ALK: variants seen among roughly 807,000 people sequenced by gnomAD.
ALK encodes ALK tyrosine kinase receptor.
In ALK, 74 loss-of-function variants were observed where a neutral mutation model predicts 163.1. The observed-to-expected ratio is 0.45, with a 90% CI of 0.38 to 0.55. The LOEUF is 0.55. Among genes scored for constraint, ALK ranks in the 20% least tolerant of loss-of-function variants. The probability of loss-of-function intolerance (pLI) is 0.00; values close to 1 mark genes in which losing one functional copy is unlikely to be tolerated. For missense variants in ALK, 2,063 were observed against 2,105.3 expected (o/e 0.98, Z 0.39); for synonymous variants, 960 against 843.2 (o/e 1.14, Z -2.40).
intron 3 of ALK, among the ~76,000 whole-genome samples, chr2:29,635,331 CA>C (rs1676489406): frequency 6.6e-6 from 1 of 152,124 alleles, no homozygotes; most frequent in Non-Finnish European, 1.5e-5. Context: ...AAGATCTTGA[CA>C]AGGGGGTATT....
chr2:29,537,562 G>A (rs1020798238), intron 3 of ALK, among the ~76,000 whole-genome samples: 19 of 152,218 alleles, frequency 1.2e-4, no homozygotes, highest in Non-Finnish European at 2.8e-4. Context: ...GCAGAGCCCT[G>A]GCAAAGAAAC....
intron 1 of ALK, among the ~76,000 whole-genome samples, chr2:29,863,178 G>C (rs1666339979): frequency 6.6e-6 from 1 of 152,106 alleles, no homozygotes; most frequent in Non-Finnish European, 1.5e-5. Flanking sequence ...AAAACATAGA[G>C]GAAAAGCTTT....
intron 1 of ALK, among the ~76,000 whole-genome samples, chr2:29,778,989 A>C (rs1225281349): frequency 2.0e-5 from 3 of 151,762 alleles, no homozygotes; most frequent in Non-Finnish European, 4.4e-5. Context: ...CCCGGTCTCT[A>C]CTAAAAAATA....
In ALK at chr2:29,229,116, T is replaced by C; in HGVS notation, c.2633-50A>G. 3 of 1,564,780 alleles carry C rather than the reference T, an allele frequency of 1.9e-6. No individual in the cohort carries two copies. The South Asian group carries it at 3.4e-5, about 18-fold the overall frequency. ...CGTGAGGATGCTGGCAAGGTTCAAT[T>C]AGCCATGCTGGCCAGAGAAGCAGGA... is the stretch of plus-strand genomic sequence containing the variant. On this transcript the variant is annotated intron_variant, in intron 15 of 28. Coordinates refer to ENST00000389048, the MANE Select transcript of ALK (RefSeq NM_004304.5).
At chr2:29,602,324 C>T (rs1386056012) in intron 3 of ALK, among the ~76,000 whole-genome samples, 2 of 152,068 alleles carry the variant, frequency 1.3e-5, no homozygotes, top group Non-Finnish European at 2.9e-5. Flanking sequence ...CATAGAATCC[C>T]AGCAGGGTCA....
At chr2:29,566,291 G>C (rs1451440864) in intron 3 of ALK, among the ~76,000 whole-genome samples, 1 of 152,220 alleles carries the variant, frequency 6.6e-6, no homozygotes, top group Non-Finnish European at 1.5e-5. Flanking sequence ...TTTACACCGA[G>C]TTTGCCAGAA....
chr2:29,812,481 T>C (rs1207710005), intron 1 of ALK, among the ~76,000 whole-genome samples: 2 of 152,120 alleles, frequency 1.3e-5, no homozygotes, highest in Non-Finnish European at 2.9e-5. Context: ...GAAATAAGGC[T>C]ACTAACAACT....
At chr2:29,875,699 T>C (rs957698813) in intron 1 of ALK, among the ~76,000 whole-genome samples, 2 of 152,218 alleles carry the variant, frequency 1.3e-5, no homozygotes, top group African/African-American at 2.4e-5. Flanking sequence ...TTTCTGTTGC[T>C]GTGTTAGCTT....
At chr2:29,271,974 A>G (rs1665400502) in intron 11 of ALK, among the ~76,000 whole-genome samples, 1 of 152,118 alleles carries the variant, frequency 6.6e-6, no homozygotes, top group Admixed American at 6.6e-5. Context: ...TCTGAGCTCC[A>G]AGGAGAAGGA....
chr2:29,564,619 T>C (rs1157207601), intron 3 of ALK, among the ~76,000 whole-genome samples: 8 of 152,138 alleles, frequency 5.3e-5, no homozygotes, highest in Non-Finnish European at 2.9e-5. Context: ...CATTTCCCTC[T>C]TAAAAATAGA....
intron 9 of ALK, among the ~76,000 whole-genome samples, chr2:29,289,480 A>C (rs1665960988): frequency 6.6e-6 from 1 of 152,202 alleles, no homozygotes; most frequent in Non-Finnish European, 1.5e-5. Context: ...CCTAATGCCA[A>C]TAAGCATGTC....
At chr2:29,250,073 G>A (rs1386148539) in intron 12 of ALK, among the ~76,000 whole-genome samples, 1 of 152,216 alleles carries the variant, frequency 6.6e-6, no homozygotes, top group Non-Finnish European at 1.5e-5. Flanking sequence ...AGGATGTTGT[G>A]GATCCCGGAG....
chr2:29,616,365 C>G (rs1192073130), intron 3 of ALK, among the ~76,000 whole-genome samples: 6 of 152,166 alleles, frequency 3.9e-5, no homozygotes, highest in Non-Finnish European at 8.8e-5. Context: ...GACGTGTTTG[C>G]TAAAACAAAC....
At position 29,340,557 on chromosome 2, in the gene ALK, G is replaced by A. The variant is rs554807217; in HGVS notation, c.1283-12076C>T. On this transcript the variant is annotated intron_variant, in intron 5 of 28. Coordinates refer to ENST00000389048, the MANE Select transcript of ALK (RefSeq NM_004304.5). Reference sequence around the variant, plus strand: ...TTTCTAAAGAGACAAGATAGCCACCGGGTGCTGATGCCACTGTCAATCATC... The same window carrying A: ...TTTCTAAAGAGACAAGATAGCCACCAGGTGCTGATGCCACTGTCAATCATC... Among the ~76,000 whole-genome samples, 6 of 152,238 alleles carry A rather than the reference G, an allele frequency of 3.9e-5. No homozygotes were observed. The South Asian group carries it at 6.2e-4, about 16-fold the overall frequency.
intron 24 of ALK, 108 bp downstream of exon 24, chr2:29,213,876 A>AGACCTAGTATTCTGCTCTGAAGGGG: frequency 1.1e-6 from 1 of 929,078 alleles, no homozygotes; most frequent in Non-Finnish European, 1.8e-6. Flanking sequence ...CTCTGGAGGG[A>AGACCTAGTATTCTGCTCTGAAGGGG]GACCTAGTAT....
At chr2:29,663,650 C>A (rs1677419422) in intron 3 of ALK, among the ~76,000 whole-genome samples, 1 of 152,014 alleles carries the variant, frequency 6.6e-6, no homozygotes, top group African/African-American at 2.4e-5. Flanking sequence ...TCATAACAGA[C>A]AATGAATCAG....
At chr2:29,420,883 G>T (rs1363747084) in intron 4 of ALK, among the ~76,000 whole-genome samples, 1 of 151,524 alleles carries the variant, frequency 6.6e-6, no homozygotes, top group Non-Finnish European at 1.5e-5. Flanking sequence ...GAGAATGCTA[G>T]CCAGACCTTA....
rs1674546568 is a variant in ALK at position 29,577,106 on chromosome 2, G to A, written c.953-44990C>T. Among the ~76,000 whole-genome samples the A allele has an allele frequency of 2.6e-5, 4 of 152,196 alleles. No homozygotes were observed. The South Asian group carries it at 8.3e-4, about 32-fold the overall frequency. On this transcript the variant is annotated intron_variant, in intron 3 of 28. Transcript: ENST00000389048. The stretch of plus-strand genomic sequence containing the variant: ...AAAAAGGTTGGAGACCGCTGCTCTG[G>A]AGAACTTCTTAGATGCCTGTCAGCC...
At chr2:29,595,040 C>T (rs887376898) in intron 3 of ALK, among the ~76,000 whole-genome samples, 2 of 152,028 alleles carry the variant, frequency 1.3e-5, no homozygotes, top group Non-Finnish European at 2.9e-5. Context: ...TCTTTTTACA[C>T]GATTAAAAAC....
Sources: gnomAD v4.1 joint callset for allele counts (sites outside exome capture counted in the v4.1 genomes callset) on GRCh38, gnomAD v4.1.1 for gene constraint, MANE v1.5 for transcripts, NCBI Gene and HGNC (gene_info 2026-07-23, HGNC 2026-07-21) for gene names.